Variants in ADSL observed in about 807,000 individuals in gnomAD.
ADSL encodes the protein adenylosuccinase.
A neutral mutation model predicts 62.1 loss-of-function variants in ADSL; 44 were observed. The ratio of observed to expected loss-of-function variants is 0.71; its 90% confidence interval spans 0.56 to 0.91. The LOEUF (loss-of-function observed/expected upper bound fraction) is 0.91. ADSL is among the 40% of genes least tolerant of loss of function. The probability of loss-of-function intolerance (pLI) is 0.00; values close to 1 mark genes in which losing one functional copy is unlikely to be tolerated. For missense variants in ADSL, 531 were observed against 627.4 expected, an observed-to-expected ratio of 0.85 and a Z score of 1.64; for synonymous variants, 198 against 220.5, an observed-to-expected ratio of 0.90 and a Z score of 0.90.
chr22:40,348,632 T>G, intron 1 of ADSL: 1 of 398,636 alleles, frequency 2.5e-6, no homozygotes, highest in Non-Finnish European at 4.4e-6. Context: ...CCACCGACCT[T>G]GGCCTCCCAA....
chr22:40,381,076 TAGGAA>T (rs1475807759), intron 2 of ADSL, among the ~76,000 whole-genome samples: 1 of 152,200 alleles, frequency 6.6e-6, no homozygotes, highest in Non-Finnish European at 1.5e-5. Flanking sequence ...ACGAAGTAAT[TAGGAA>T]AGGTTATAGA....
chr22:40,379,957 C>T (rs940271784), intron 2 of ADSL, among the ~76,000 whole-genome samples: 1 of 152,120 alleles, frequency 6.6e-6, no homozygotes, highest in Non-Finnish European at 1.5e-5. Flanking sequence ...GTGATCCACC[C>T]TCCTCGGCCT....
intron 2 of ADSL, among the ~76,000 whole-genome samples, chr22:40,376,733 TAGTC>T (rs1487023769): frequency 6.6e-6 from 1 of 152,202 alleles, no homozygotes; most frequent in Non-Finnish European, 1.5e-5. Flanking sequence ...GATTAGAACT[TAGTC>T]TGACTCTAGA....
intron 12 of ADSL, 119 bp downstream of exon 12, chr22:40,365,175 G>A (rs1601598640): frequency 8.9e-7 from 1 of 1,121,866 alleles, no homozygotes; most frequent in Non-Finnish European, 1.3e-6. Context: ...ATCAGAGCAG[G>A]TTGCTGGCTA....
chr22:40,369,615 C>T (rs2045136458), downstream of ADSL, among the ~76,000 whole-genome samples: 2 of 151,964 alleles, frequency 1.3e-5, no homozygotes, highest in African/African-American at 4.8e-5. Flanking sequence ...GCGATCCTCT[C>T]ACCTCAGCCT....
intron 2 of ADSL, among the ~76,000 whole-genome samples, chr22:40,380,492 G>A (rs1388667021): frequency 1.3e-5 from 2 of 151,298 alleles, no homozygotes; most frequent in Non-Finnish European, 2.9e-5. Context: ...TCAGCATCCC[G>A]AGTAGTTGGG....
chr22:40,384,301 C>G (rs914954312), intron 2 of ADSL, among the ~76,000 whole-genome samples: 2 of 151,990 alleles, frequency 1.3e-5, no homozygotes, highest in African/African-American at 2.4e-5. Flanking sequence ...ACCTTAGGAT[C>G]TGAATGTCTT....
intron 2 of ADSL, among the ~76,000 whole-genome samples, chr22:40,385,722 G>A (rs1050527233): frequency 3.9e-5 from 6 of 152,216 alleles, no homozygotes; most frequent in South Asian, 2.1e-4. Context: ...TGAAAGTATC[G>A]CTGAAGGAAA....
chr22:40,363,892 C>A (rs1807167832), intron 10 of ADSL, among the ~76,000 whole-genome samples: 1 of 152,050 alleles, frequency 6.6e-6, no homozygotes, highest in South Asian at 2.1e-4. Flanking sequence ...TCCTGGCTAA[C>A]ACAGTGAAAC....
chr22:40,375,308 G>A (rs1189225556), intron 2 of ADSL, among the ~76,000 whole-genome samples: 1 of 152,190 alleles, frequency 6.6e-6, no homozygotes, highest in Non-Finnish European at 1.5e-5. Context: ...GGCCGGTTGT[G>A]GTGGCTCACG....
chr22:40,379,138 C>T (rs986947158), intron 2 of ADSL, among the ~76,000 whole-genome samples: 1 of 152,192 alleles, frequency 6.6e-6, no homozygotes, highest in Non-Finnish European at 1.5e-5. Flanking sequence ...TTTTAAGTTA[C>T]TTCTTTCCCC....
At chr22:40,358,840 C>A (rs376777238) in intron 4 of ADSL, 24 bp from the exon 5 acceptor site, 1 of 1,613,380 alleles carries the variant, frequency 6.2e-7, no homozygotes, top group African/African-American at 1.3e-5. Context: ...CTGAGACTTT[C>A]GTGTGTTCTC....
At position 40,354,274 on chromosome 22, in the gene ADSL, C is replaced by T. The variant is rs754065119; in HGVS notation, c.429C>T (p.Ala143=). The part of the protein sequence containing the change: ...PKLARVISRL[A]DFAKERASLP... ...TTGCCAGAGTGATCTCTCGGCTTGC[C>T]GACTTTGCTAAGGAACGAGCCAGTC... The change falls in exon 4 of 13, where the codon GCC becomes GCT. Residue 143 remains alanine, a synonymous_variant. Transcript: ENST00000623063. 19 of 1,613,964 alleles carry T rather than the reference C, an allele frequency of 1.2e-5. No homozygotes were observed. In the South Asian group the frequency reaches 1.2e-4, roughly 10 times the overall value.
chr22:40,381,739 G>A (rs1000023417), intron 2 of ADSL, among the ~76,000 whole-genome samples: 1 of 152,166 alleles, frequency 6.6e-6, no homozygotes, highest in Non-Finnish European at 1.5e-5. Context: ...AGGATTCCTT[G>A]AGGCCAAGAG....
intron 2 of ADSL, among the ~76,000 whole-genome samples, chr22:40,383,741 CAG>C (rs1051471176): frequency 1.3e-5 from 2 of 152,140 alleles, no homozygotes; most frequent in African/African-American, 4.8e-5. Flanking sequence ...TCTATGGAAT[CAG>C]AGCTGTGCTT....
At chr22:40,359,931 A>C (rs563639554) in intron 6 of ADSL, among the ~76,000 whole-genome samples, 1 of 152,118 alleles carries the variant, frequency 6.6e-6, no homozygotes, top group South Asian at 2.1e-4. Context: ...TTGTTTCTTT[A>C]CTTAGGGCCC....
At chr22:40,380,512 A>G (rs2047396796) in intron 2 of ADSL, among the ~76,000 whole-genome samples, 1 of 151,998 alleles carries the variant, frequency 6.6e-6, no homozygotes, top group Non-Finnish European at 1.5e-5. Flanking sequence ...GATTAGAGGC[A>G]TGCCCCATGA....
chr22:40,387,196 T>C (rs2048611556), intron 2 of ADSL: 1 of 398,610 alleles, frequency 2.5e-6, no homozygotes, highest in Non-Finnish European at 4.4e-6. Flanking sequence ...GCTTAACACA[T>C]ATTATTTTTC....
downstream of ADSL, chr22:40,369,515 A>G (rs1440800690): frequency 6.9e-6 from 1 of 145,558 alleles, no homozygotes; most frequent in East Asian, 1.9e-4. Flanking sequence ...TCTTTTATAT[A>G]TATATATAGA....
Sources: allele counts gnomAD v4.1 joint callset (sites outside exome capture counted in the v4.1 genomes callset), GRCh38; gene constraint gnomAD v4.1.1; transcripts MANE v1.5; gene names NCBI Gene and HGNC (gene_info 2026-07-23, HGNC 2026-07-21).